Variants in MDGA2 observed in about 807,000 individuals in gnomAD.
MDGA2 encodes MAM domain-containing glycosylphosphatidylinositol anchor protein 2.
MDGA2 carries 40 observed loss-of-function variants against 117.8 expected under a neutral mutation model. The observed-to-expected ratio is 0.34, with a 90% CI of 0.26 to 0.44. The LOEUF (loss-of-function observed/expected upper bound fraction) is 0.44, where lower values mean the gene tolerates loss of function less well. Among genes scored for constraint, MDGA2 ranks in the 20% least tolerant of loss-of-function variants. The pLI, the probability that MDGA2 is intolerant of heterozygous loss-of-function variation, is 1.00. For synonymous variants in MDGA2, 452 were observed against 439.0 expected (o/e 1.03, Z -0.37); for missense variants, 1,123 against 1,250.6 (o/e 0.90, Z 1.54).
chr14:47,612,036 C>G (rs779216620), intron 1 of MDGA2, among the ~76,000 whole-genome samples: 41 of 152,122 alleles, frequency 2.7e-4, no homozygotes, highest in Non-Finnish European at 5.1e-4. Context: ...ATTTGGGACT[C>G]AAACAAAATG....
At chr14:47,222,898 A>T (rs1463458945) in intron 2 of MDGA2, among the ~76,000 whole-genome samples, 1 of 152,210 alleles carries the variant, frequency 6.6e-6, no homozygotes, top group Non-Finnish European at 1.5e-5. Context: ...TCATACTAAA[A>T]TCCATGAATA....
chr14:47,628,204 TAATTCTCCTCATCCATTTTTATGC>T (rs1566548831), intron 1 of MDGA2, among the ~76,000 whole-genome samples: 1 of 152,242 alleles, frequency 6.6e-6, no homozygotes, highest in Non-Finnish European at 1.5e-5. Flanking sequence ...ACTTTCTCAG[TAATTCTCCTCATCCATTTTTATGC>T]AAATTGCTCT....
intron 1 of MDGA2, among the ~76,000 whole-genome samples, chr14:47,477,267 A>C (rs1893863496): frequency 6.6e-6 from 1 of 152,232 alleles, no homozygotes. Context: ...TCAGTATTCA[A>C]TAAATACATT....
At chr14:47,507,790 A>T (rs1894546621) in intron 1 of MDGA2, among the ~76,000 whole-genome samples, 1 of 152,152 alleles carries the variant, frequency 6.6e-6, no homozygotes, top group African/African-American at 2.4e-5. Context: ...TTCTGCTGAG[A>T]TTATGTCAAT....
chr14:47,295,457 T>A (rs940748522), intron 2 of MDGA2, among the ~76,000 whole-genome samples: 2 of 152,176 alleles, frequency 1.3e-5, no homozygotes, highest in African/African-American at 4.8e-5. Context: ...ATTGCAAGAA[T>A]AAAGCAATGT....
chr14:47,522,676 A>C (rs1263262048), intron 1 of MDGA2, among the ~76,000 whole-genome samples: 1 of 152,230 alleles, frequency 6.6e-6, no homozygotes, highest in Non-Finnish European at 1.5e-5. Context: ...AGATAAAATA[A>C]TTCTAGTGCT....
chr14:47,175,829 G>T (rs1055575292), intron 3 of MDGA2, among the ~76,000 whole-genome samples: 6 of 150,652 alleles, frequency 4.0e-5, no homozygotes, highest in Non-Finnish European at 5.9e-5. Context: ...GAAATAAAGG[G>T]TATTCAATTA....
At chr14:47,155,638 G>A (rs1010822984) in intron 3 of MDGA2, among the ~76,000 whole-genome samples, 2 of 151,380 alleles carry the variant, frequency 1.3e-5, no homozygotes, top group East Asian at 4.0e-4. Context: ...AGACCCTGTG[G>A]TTGCTCAAAC....
chr14:46,890,966 T>G (rs1182545703), intron 10 of MDGA2, among the ~76,000 whole-genome samples: 1 of 152,070 alleles, frequency 6.6e-6, no homozygotes, highest in Admixed American at 6.6e-5. Context: ...AAAACAGAAC[T>G]TTGGAAAAAA....
intron 1 of MDGA2, among the ~76,000 whole-genome samples, chr14:47,632,363 A>C (rs1445483243): frequency 6.6e-6 from 1 of 152,162 alleles, no homozygotes; most frequent in East Asian, 1.9e-4. Flanking sequence ...TTAATCCTTA[A>C]ATATGTCTTC....
chr14:47,373,166 AAAG>A (rs1488400977), intron 1 of MDGA2, among the ~76,000 whole-genome samples: 3 of 152,072 alleles, frequency 2.0e-5, no homozygotes, highest in Admixed American at 1.3e-4. Flanking sequence ...AGAGTTTTGA[AAAG>A]AAGAAGGGGT....
At chr14:46,874,912 A>T (rs1477000289) in intron 12 of MDGA2, among the ~76,000 whole-genome samples, 1 of 151,586 alleles carries the variant, frequency 6.6e-6, no homozygotes, top group African/African-American at 2.4e-5. Flanking sequence ...TGTGGGTGGT[A>T]GTAGTAATGT....
intron 1 of MDGA2, among the ~76,000 whole-genome samples, chr14:47,434,276 AAGTTACTTAAAAACTATCC>A (rs1163639602): frequency 6.6e-6 from 1 of 152,108 alleles, no homozygotes; most frequent in African/African-American, 2.4e-5. Context: ...CCCCTTGAAA[AAGTTACTTAAAAACTATCC>A]AGTAATTTGT....
chr14:47,499,297 A>G (rs1894349376), intron 1 of MDGA2, among the ~76,000 whole-genome samples: 1 of 152,162 alleles, frequency 6.6e-6, no homozygotes, highest in Non-Finnish European at 1.5e-5. Flanking sequence ...TCAATACTCC[A>G]GGATTTGCTA....
At chr14:47,655,848 T>G (rs913116053) in intron 1 of MDGA2, among the ~76,000 whole-genome samples, 1 of 152,074 alleles carries the variant, frequency 6.6e-6, no homozygotes. Context: ...GGAGGAGGTA[T>G]AGGTTCAACT....
At chr14:47,196,845 GTC>G (rs1885306009) in intron 3 of MDGA2, among the ~76,000 whole-genome samples, 1 of 152,150 alleles carries the variant, frequency 6.6e-6, no homozygotes, top group African/African-American at 2.4e-5. Flanking sequence ...GCAGTCCCCA[GTC>G]TATTGTTCCC....
At chr14:47,185,637 T>C (rs187783080) in intron 3 of MDGA2, among the ~76,000 whole-genome samples, 1 of 151,558 alleles carries the variant, frequency 6.6e-6, no homozygotes, top group Non-Finnish European at 1.5e-5. Context: ...CCAAATTACC[T>C]AGGAAAGAAA....
At chr14:47,242,026 G>A (rs1394289269) in intron 2 of MDGA2, among the ~76,000 whole-genome samples, 1 of 151,728 alleles carries the variant, frequency 6.6e-6, no homozygotes, top group Non-Finnish European at 1.5e-5. Flanking sequence ...AATAGGTGTT[G>A]TTTTTATTTT....
chr14:47,092,736 G>A (rs2138956065), intron 6 of MDGA2, among the ~76,000 whole-genome samples: 1 of 152,250 alleles, frequency 6.6e-6, no homozygotes, highest in South Asian at 2.1e-4. Context: ...CTATTGGTAA[G>A]CATTTCCAAC....
Sources: gnomAD v4.1 joint callset for allele counts (sites outside exome capture counted in the v4.1 genomes callset) on GRCh38, gnomAD v4.1.1 for gene constraint, MANE v1.5 for transcripts, NCBI Gene and HGNC (gene_info 2026-07-23, HGNC 2026-07-21) for gene names.